PLVAP: variants seen among roughly 807,000 people sequenced by gnomAD.
PLVAP encodes plasmalemma vesicle associated protein, also known as plasmalemma vesicle-associated protein.
Under a neutral mutation model 43.1 loss-of-function variants are expected in PLVAP, and 34 were observed. The ratio of observed to expected loss-of-function variants is 0.79; its 90% CI spans 0.60 to 1.05. The LOEUF (loss-of-function observed/expected upper bound fraction) is 1.05. Ranked by LOEUF, PLVAP falls within the 50% of genes least tolerant of loss-of-function variation. PLVAP has a pLI of 0.00. For synonymous variants in PLVAP, 241 were observed against 237.3 expected, an observed-to-expected ratio of 1.02 and a Z score of -0.14; for missense variants, 574 against 593.4, an observed-to-expected ratio of 0.97 and a Z score of 0.34.
intron 3 of PLVAP, among the ~76,000 whole-genome samples, chr19:17,361,272 G>C (rs2074527419): frequency 6.6e-6 from 1 of 152,104 alleles, no homozygotes. Context: ...TTCCAGGGCA[G>C]GGTAACAGAC....
intron 3 of PLVAP, among the ~76,000 whole-genome samples, chr19:17,361,762 CA>C (rs2074529253): frequency 6.6e-6 from 1 of 152,092 alleles, no homozygotes; most frequent in South Asian, 2.1e-4. Context: ...TCTCTTGACC[CA>C]ACCTCTATGA....
chr19:17,375,255 G>A (rs975899980), intron 1 of PLVAP, among the ~76,000 whole-genome samples: 1 of 152,058 alleles, frequency 6.6e-6, no homozygotes, highest in African/African-American at 2.4e-5. Context: ...ACTGTAGCCG[G>A]TCTTCAGCCA....
At chr19:17,354,361 C>T (rs1350514804) in intron 5 of PLVAP, among the ~76,000 whole-genome samples, 3 of 152,064 alleles carry the variant, frequency 2.0e-5, no homozygotes, top group East Asian at 1.9e-4. Context: ...CTTTGGGAGA[C>T]GGAGGTGGGC....
rs2074549513 is a variant in PLVAP, at chr19:17,366,190, G to A, written c.375C>T (p.Ile125=). 6.2e-7 allele frequency: 1 copy of A among 1,614,008 alleles called. No individual in the cohort carries two copies. Among genetic ancestry groups the A allele is most frequent in the African/African-American group, 1.3e-5 (1 of 74,918 alleles). The change falls in exon 2 of 6, where the codon ATC becomes ATT. Residue 125 remains isoleucine, a synonymous_variant. Transcript: ENST00000252590. ...CCATGTACCTCTGATTGTTCGTGTA[G>A]ATGACCTGCCCGGAAGATAGGGGAA... ...SFRQCQGDRV[I]YTNNQRYMAA...
intron 1 of PLVAP, among the ~76,000 whole-genome samples, chr19:17,366,713 C>A (rs536808385): frequency 1.3e-5 from 2 of 150,636 alleles, no homozygotes; most frequent in Admixed American, 6.7e-5. Flanking sequence ...CTCACCACAA[C>A]CTCTGCCTCC....
intron 3 of PLVAP, among the ~76,000 whole-genome samples, chr19:17,363,705 G>A (rs933403357): frequency 2.0e-5 from 3 of 150,816 alleles, no homozygotes; most frequent in African/African-American, 7.3e-5. Flanking sequence ...CTCCCAAGTA[G>A]CTGGGATTAC....
In PLVAP at chr19:17,377,078, A is replaced by G; in HGVS notation, c.211T>C (p.Tyr71His). Residue 71 changes from tyrosine (Y) to histidine (H), a missense_variant, in exon 1 of 6, where the codon TAC (tyrosine) becomes CAC (histidine). Coordinates refer to ENST00000252590, the MANE Select transcript of PLVAP (RefSeq NM_031310.3). ...GCCGTGAGCCCTAGGAGCTGACTGTATAGGCCCTCGGCTCGGCGCTCGGTG... is the reference window on the plus strand; with the variant it reads ...GCCGTGAGCCCTAGGAGCTGACTGTGTAGGCCCTCGGCTCGGCGCTCGGTG... ...QATERRAEGL[Y>H]SQLLGLTASQ... is the part of the protein sequence containing the mutation. 1 of 1,614,084 alleles carries G rather than the reference A, an allele frequency of 6.2e-7. No homozygotes were observed. The highest frequency in any genetic ancestry group is 8.5e-7 in the Non-Finnish European group (1 of 1,180,002).
At chr19:17,375,470 G>C (rs2074591115) in intron 1 of PLVAP, among the ~76,000 whole-genome samples, 1 of 152,104 alleles carries the variant, frequency 6.6e-6, no homozygotes, top group African/African-American at 2.4e-5. Flanking sequence ...TAAAAAAAAT[G>C]TTGCTGGCTG....
chr19:17,358,221 G>A (rs1372731710), intron 5 of PLVAP, among the ~76,000 whole-genome samples: 4 of 149,890 alleles, frequency 2.7e-5, no homozygotes, highest in Middle Eastern at 3.4e-3. Context: ...TTGAGAGACA[G>A]CTTGGCGAGG....
rs1297192915 is a variant in PLVAP at position 17,369,170 on chromosome 19, C to A, written c.370-2975G>T. On this transcript the variant is annotated intron_variant, in intron 1 of 5. Transcript: ENST00000252590. ...GCAAACAACAGTCTTTAAAAAAAAC[C>A]TTTTTTTGTTTTTTTTTTTGTTGTT... Among the ~76,000 whole-genome samples, 18 of 151,446 alleles carry A rather than the reference C, an allele frequency of 1.2e-4. No individual in the cohort carries two copies. The East Asian group carries it at 3.1e-3, about 26-fold the overall frequency.
In PLVAP at chr19:17,365,562, G is replaced by A. The variant is rs1469607810; in HGVS notation, c.903C>T (p.Asn301=). 6.2e-7 allele frequency: 1 copy of A among 1,611,910 alleles called. No individual in the cohort carries two copies. The highest frequency in any genetic ancestry group is 2.2e-5 in the East Asian group (1 of 44,886). The change falls in exon 3 of 6, where the codon AAC becomes AAT. Residue 301 remains asparagine, a synonymous_variant. Transcript: ENST00000252590. ...CCAGCTTCTGGCGTTGGAGGTCTGAGTTCTCGCGGGCCACGCGTTCGATAT... is the reference window on the plus strand; with the variant it reads ...CCAGCTTCTGGCGTTGGAGGTCTGAATTCTCGCGGGCCACGCGTTCGATAT... The part of the protein sequence containing the change: ...RADIERVARE[N]SDLQRQKLEA...
chr19:17,355,227 A>AT lies in PLVAP; in HGVS notation c.1323-2860dup, dbSNP rs200046253. Among the ~76,000 whole-genome samples, 20 of 98,036 alleles carry AT rather than the reference A, an allele frequency of 2.0e-4. No homozygotes were observed. The East Asian group carries it at 3.5e-3, about 17-fold the overall frequency. 64.3% of individuals were successfully genotyped at this position (98,036 alleles called of 152,430 possible). On this transcript the variant is annotated intron_variant, in intron 5 of 5. Coordinates refer to ENST00000252590, the MANE Select transcript of PLVAP (RefSeq NM_031310.3). ...TGGCAGAGTGAGACTCCATCTCAAA[A>AT]TAATAATAATAATAATAATAATAAT...
chr19:17,360,836 TGAAA>T lies in PLVAP; in HGVS notation c.1180-8_1180-5del. The T allele has an allele frequency of 6.2e-7, 1 of 1,612,998 alleles. No individual in the cohort carries two copies. The highest frequency in any genetic ancestry group is 1.1e-5 in the South Asian group (1 of 91,044). On this transcript the variant is annotated splice_region_variant and splice_polypyrimidine_tract_variant and intron_variant, in intron 3 of 5. Transcript: ENST00000252590. ...ACACTGGCATCATCGGCTGCGACTG[TGAAA>T]GAAAGATGGAGGGAGGTTGGTAGGA...
At chr19:17,361,923 T>A (rs867187962) in intron 3 of PLVAP, among the ~76,000 whole-genome samples, 70 of 143,130 alleles carry the variant, frequency 4.9e-4, no homozygotes, top group African/African-American at 6.4e-4. Context: ...TAAAAAAAAA[T>A]AAAAAAAAAA....
intron 1 of PLVAP, among the ~76,000 whole-genome samples, chr19:17,371,964 G>C (rs1413482923): frequency 6.6e-6 from 1 of 151,672 alleles, no homozygotes; most frequent in African/African-American, 2.4e-5. Context: ...GTCCTGGGGG[G>C]ACATGGGGAA....
chr19:17,358,095 G>A (rs2074513395), intron 5 of PLVAP, among the ~76,000 whole-genome samples: 1 of 152,114 alleles, frequency 6.6e-6, no homozygotes, highest in South Asian at 2.1e-4. Flanking sequence ...GATGGAGAGA[G>A]GAAAATTGTG....
rs2074488145 is a variant in PLVAP, at chr19:17,352,095, A to G, written c.*267T>C. 1.9e-6 allele frequency: 1 copy of G among 533,958 alleles called. No individual in the cohort carries two copies. Among genetic ancestry groups the G allele is most frequent in the Non-Finnish European group, 3.4e-6 (1 of 294,522 alleles). 33.1% of individuals were successfully genotyped at this position (533,958 alleles called of 1,614,324 possible). Reference sequence around the variant, plus strand: ...TTCGTGACGTCTACATGGCCACGTGACGCCATCACCACGGTGATATGTGAC... The same window carrying G: ...TTCGTGACGTCTACATGGCCACGTGGCGCCATCACCACGGTGATATGTGAC... On this transcript the variant is annotated 3_prime_UTR_variant, in exon 6 of 6. Coordinates refer to ENST00000252590, the MANE Select transcript of PLVAP (RefSeq NM_031310.3).
rs191919543 is a variant in PLVAP at position 17,354,563 on chromosome 19, C to T, written c.1323-2195G>A. On this transcript the variant is annotated intron_variant, in intron 5 of 5. Transcript: ENST00000252590. ...AGTGAGCCGAGATGGCACCATTGCA[C>T]TCCAGCCTGGAAAACAGAGCGAGAC... Among the ~76,000 whole-genome samples the T allele has an allele frequency of 3.4e-3, 498 of 146,288 alleles. 1 individual carries two copies. Among genetic ancestry groups the T allele is most frequent in the African/African-American group, 0.011 (446 of 38,824 alleles).
Position 17,376,940 on chromosome 19 carries a change from G to A in PLVAP, c.349C>T (p.Arg117Cys), listed in dbSNP as rs753327481. The A allele has an allele frequency of 2.7e-5, 43 of 1,613,748 alleles. No homozygotes were observed. The highest frequency in any genetic ancestry group is 3.3e-5 in the Non-Finnish European group (39 of 1,179,906). ...RDLDRINASF[R>C]QCQGDRVIYT... ...CTTACCCGGTCACCCTGGCACTGGCGGAAGCTGGCATTGATGCGGTCCAGG... is the reference window on the plus strand; with the variant it reads ...CTTACCCGGTCACCCTGGCACTGGCAGAAGCTGGCATTGATGCGGTCCAGG... The change falls in exon 1 of 6, where the codon CGC becomes TGC. Residue 117 changes from arginine (R) to cysteine (C), a missense_variant. By Grantham distance (180) the Arg-to-Cys change is radical (BLOSUM62 -3). Transcript: ENST00000252590.
Sources: allele counts gnomAD v4.1 joint callset (sites outside exome capture counted in the v4.1 genomes callset), GRCh38; gene constraint gnomAD v4.1.1; transcripts MANE v1.5; gene names NCBI Gene and HGNC (gene_info 2026-07-23, HGNC 2026-07-21).